ALDH2: variants seen among roughly 807,000 people sequenced by gnomAD.
ALDH2 encodes aldehyde dehydrogenase, mitochondrial.
In ALDH2, 44 loss-of-function variants were observed where a neutral mutation model predicts 59.6. The ratio of observed to expected loss-of-function variants is 0.74; its 90% confidence interval spans 0.58 to 0.95. ALDH2 has a LOEUF of 0.95. Ranked by LOEUF, ALDH2 falls within the 40% of genes least tolerant of loss-of-function variation. ALDH2 has a pLI of 0.00. For synonymous variants in ALDH2, 291 were observed against 284.0 expected, an observed-to-expected ratio of 1.02 and a Z score of -0.25; for missense variants, 570 against 696.3, an observed-to-expected ratio of 0.82 and a Z score of 2.04.
intron 4 of ALDH2, among the ~76,000 whole-genome samples, chr12:111,786,635 T>A (rs139968732): frequency 6.6e-6 from 1 of 151,964 alleles, no homozygotes; most frequent in Non-Finnish European, 1.5e-5. Flanking sequence ...AGTGTTGACC[T>A]TCTGGGCTCA....
At position 111,813,530 on chromosome 12, in the gene ALDH2, A is replaced by G. The variant is rs2136032787; in HGVS notation, c.*3955A>G. 1 of 152,346 alleles carries G rather than the reference A, an allele frequency of 6.6e-6. No individual in the cohort carries two copies. Among genetic ancestry groups the G allele is most frequent in the South Asian group, 2.1e-4 (1 of 4,830 alleles). The allele number at this position is 152,346 out of a possible 1,614,324, so 9.4% of individuals were successfully genotyped here. The stretch of plus-strand genomic sequence containing the variant: ...GTACACGGACGTTCACAGCAGCACT[A>G]TTCACGACAGCTCAGAGATGGAATC... On this transcript the variant is annotated 3_prime_UTR_variant, in exon 13 of 13. Coordinates refer to ENST00000261733, the MANE Select transcript of ALDH2 (RefSeq NM_000690.4).
At chr12:111,802,925 GCT>G (rs1386654040) in intron 11 of ALDH2, among the ~76,000 whole-genome samples, 4 of 150,536 alleles carry the variant, frequency 2.7e-5, no homozygotes, top group Non-Finnish European at 5.9e-5. Context: ...AAGCGTGGTG[GCT>G]CACACCTGTA....
At chr12:111,777,878 A>G (rs1714434020) in intron 1 of ALDH2, among the ~76,000 whole-genome samples, 1 of 152,144 alleles carries the variant, frequency 6.6e-6, no homozygotes, top group Non-Finnish European at 1.5e-5. Flanking sequence ...ACGATTGACT[A>G]ACTAATATGA....
At position 111,809,798 on chromosome 12, in the gene ALDH2, G is replaced by A. The variant is rs1277703235; in HGVS notation, c.*223G>A. ...CTTTTAAACGACAACAATACTGCTA[G>A]CTTTCAGGATGATTTTTAAAAAATA... On this transcript the variant is annotated 3_prime_UTR_variant, in exon 13 of 13. Coordinates refer to ENST00000261733, the MANE Select transcript of ALDH2 (RefSeq NM_000690.4). 5.3e-6 allele frequency: 3 copies of A among 570,658 alleles called. No individual in the cohort carries two copies. The highest frequency in any genetic ancestry group is 9.3e-6 in the Non-Finnish European group (3 of 322,550). The allele number at this position is 570,658 out of a possible 1,614,324, so 35.3% of individuals were successfully genotyped here. A position where few individuals can be genotyped will look rare whatever the true frequency, so the allele number is the denominator to read the frequency against.
intron 1 of ALDH2, among the ~76,000 whole-genome samples, chr12:111,780,254 GC>G (rs2068262368): frequency 6.6e-6 from 1 of 152,168 alleles, no homozygotes; most frequent in Non-Finnish European, 1.5e-5. Flanking sequence ...AAATGGAGGG[GC>G]TTTGGCTCTC....
chr12:111,809,602 C>T lies in ALDH2; in HGVS notation c.*27C>T, dbSNP rs540182020. 2 of 1,613,066 alleles carry T rather than the reference C, an allele frequency of 1.2e-6. No individual in the cohort carries two copies. The highest frequency in any genetic ancestry group is 2.7e-5 in the African/African-American group (2 of 74,992). On this transcript the variant is annotated 3_prime_UTR_variant, in exon 13 of 13. Coordinates refer to ENST00000261733, the MANE Select transcript of ALDH2 (RefSeq NM_000690.4). ...AATCATGCAAGCTTCCTCCCTCAGC[C>T]ATTGATGGAAAGTTCAGCAAGATCA...
intron 1 of ALDH2, among the ~76,000 whole-genome samples, chr12:111,778,389 A>G (rs1370513996): frequency 1.8e-4 from 27 of 152,002 alleles, no homozygotes. Context: ...TACTAGAAAT[A>G]CAAAAATTAG....
rs1402199312 is a variant in ALDH2, at chr12:111,785,681, G to A, written c.440+335G>A. On this transcript the variant is annotated intron_variant, in intron 4 of 12. Coordinates refer to ENST00000261733, the MANE Select transcript of ALDH2 (RefSeq NM_000690.4). ...GGAGGTCACAGTGAGCCAAGATCAC[G>A]CCACTGCACTCCAGCCTAGGTGACA... Among the ~76,000 whole-genome samples, 4 of 152,060 alleles carry A rather than the reference G, an allele frequency of 2.6e-5. No homozygotes were observed. In the East Asian group the frequency reaches 7.7e-4, roughly 29 times the overall value.
intron 2 of ALDH2, among the ~76,000 whole-genome samples, chr12:111,782,646 A>T (rs1460998116): frequency 6.6e-6 from 1 of 152,220 alleles, no homozygotes; most frequent in Admixed American, 6.5e-5. Context: ...GCACTTTGGG[A>T]GGCCAAGGTG....
chr12:111,807,853 A>T (rs1420446010), intron 12 of ALDH2, among the ~76,000 whole-genome samples: 1 of 151,370 alleles, frequency 6.6e-6, no homozygotes, highest in Non-Finnish European at 1.5e-5. Context: ...GAGCATTTTA[A>T]GTAGAAGAAT....
intron 9 of ALDH2, 78 bp from the exon 10 acceptor site, chr12:111,798,000 C>A: frequency 3.2e-6 from 5 of 1,552,814 alleles, no homozygotes; most frequent in Non-Finnish European, 3.5e-6. Context: ...TGTCTTGTTG[C>A]CTGCATAATT....
At chr12:111,804,020 G>A (rs766312843) in intron 12 of ALDH2, 47 bp downstream of exon 12, 1 of 1,440,428 alleles carries the variant, frequency 6.9e-7, no homozygotes, top group East Asian at 2.6e-5. Flanking sequence ...GGGGCTTGAG[G>A]GTCTGCTGGT....
chr12:111,806,311 C>A (rs773181217), intron 12 of ALDH2, among the ~76,000 whole-genome samples: 1 of 148,876 alleles, frequency 6.7e-6, no homozygotes, highest in African/African-American at 2.5e-5. Flanking sequence ...AGCGAGACTC[C>A]GTCTCAGGAA....
intron 9 of ALDH2, among the ~76,000 whole-genome samples, chr12:111,796,261 G>A (rs529046528): frequency 6.6e-5 from 10 of 152,222 alleles, no homozygotes; most frequent in Admixed American, 2.0e-4. Context: ...GGCGCAGGTT[G>A]TGGTGAGCCA....
intron 11 of ALDH2, among the ~76,000 whole-genome samples, chr12:111,801,068 A>G (rs561044476): frequency 6.6e-6 from 1 of 152,066 alleles, no homozygotes; most frequent in East Asian, 1.9e-4. Flanking sequence ...TTTATAAAGG[A>G]AAGAGGTTTA....
intron 1 of ALDH2, among the ~76,000 whole-genome samples, chr12:111,770,106 T>G (rs1160040875): frequency 6.7e-6 from 1 of 150,098 alleles, no homozygotes. Flanking sequence ...ATCACACTAC[T>G]GCATTCCAGC....
chr12:111,770,827 A>G (rs113349021), intron 1 of ALDH2, among the ~76,000 whole-genome samples: 2 of 151,896 alleles, frequency 1.3e-5, no homozygotes, highest in Non-Finnish European at 2.9e-5. Flanking sequence ...TTGTATTCTT[A>G]GTAGAGATGA....
chr12:111,767,201 C>A, intron 1 of ALDH2, 105 bp downstream of exon 1: 1 of 933,878 alleles, frequency 1.1e-6, no homozygotes, highest in South Asian at 1.9e-5. Context: ...TCATCTGGGG[C>A]TCGAGGGGTT....
At chr12:111,773,969 A>C (rs541810028) in intron 1 of ALDH2, among the ~76,000 whole-genome samples, 11 of 152,314 alleles carry the variant, frequency 7.2e-5, no homozygotes, top group Non-Finnish European at 1.3e-4. Flanking sequence ...CTTATTGCAA[A>C]GTATTTGGAA....
Sources: gnomAD v4.1 joint callset for allele counts (sites outside exome capture counted in the v4.1 genomes callset) on GRCh38, gnomAD v4.1.1 for gene constraint, MANE v1.5 for transcripts, NCBI Gene and HGNC (gene_info 2026-07-23, HGNC 2026-07-21) for gene names.